Variants in THSD7A observed in about 807,000 individuals in gnomAD.
The protein encoded by THSD7A is thrombospondin type-1 domain-containing protein 7A.
In THSD7A, 96 loss-of-function variants were observed where a neutral mutation model predicts 231.3. That is an observed-to-expected ratio of 0.41 (90% CI 0.35 to 0.49). THSD7A has a LOEUF of 0.49. Among genes scored for constraint, THSD7A ranks in the 20% least tolerant of loss-of-function variants. THSD7A has a pLI of 0.05. For missense variants in THSD7A, 2,290 were observed against 2,070.2 expected (o/e 1.11, Z -2.06); for synonymous variants, 940 against 743.3 (o/e 1.26, Z -4.30).
intron 2 of THSD7A, among the ~76,000 whole-genome samples, chr7:11,624,576 T>C (rs1781420644): frequency 6.6e-6 from 1 of 152,144 alleles, no homozygotes; most frequent in Admixed American, 6.6e-5. Context: ...GGGGAGGAAC[T>C]GGTCAAATTC....
chr7:11,419,385 T>A (rs1181957831), intron 16 of THSD7A, among the ~76,000 whole-genome samples: 1 of 152,142 alleles, frequency 6.6e-6, no homozygotes, highest in African/African-American at 2.4e-5. Context: ...CTTCCCCCTT[T>A]GCTTTTTCTC....
At chr7:11,425,498 C>T (rs1784288195) in intron 15 of THSD7A, among the ~76,000 whole-genome samples, 1 of 152,018 alleles carries the variant, frequency 6.6e-6, no homozygotes, top group African/African-American at 2.4e-5. Flanking sequence ...GGCAAATTGT[C>T]TCTGCTCCAG....
chr7:11,461,253 T>C (rs1476737133), intron 10 of THSD7A, among the ~76,000 whole-genome samples: 2 of 152,198 alleles, frequency 1.3e-5, no homozygotes, highest in Admixed American at 1.3e-4. Context: ...CCAGTAGTTG[T>C]CAATGTGCAT....
At chr7:11,743,755 T>C (rs1042368157) in intron 1 of THSD7A, among the ~76,000 whole-genome samples, 1 of 151,860 alleles carries the variant, frequency 6.6e-6, no homozygotes, top group African/African-American at 2.4e-5. Flanking sequence ...TAAATCAATG[T>C]CTGAAAGGCA....
intron 9 of THSD7A, among the ~76,000 whole-genome samples, chr7:11,467,443 T>C (rs1330670199): frequency 1.3e-5 from 2 of 152,146 alleles, no homozygotes; most frequent in Non-Finnish European, 2.9e-5. Context: ...TTTCTCTATA[T>C]GACCATTAGT....
intron 1 of THSD7A, among the ~76,000 whole-genome samples, chr7:11,776,933 G>A (rs972970490): frequency 1.3e-5 from 2 of 152,106 alleles, no homozygotes; most frequent in Non-Finnish European, 2.9e-5. Flanking sequence ...TTGAAACATT[G>A]CTGTAGATTT....
Position 11,832,074 on chromosome 7 carries a change from GAGA to G in THSD7A, c.-131_-129del, listed in dbSNP as rs2128189927. ...TTTCCTGCTATTGTTCGCTTCAGATGAGAAGGAGGGAGAGCGCGTCTAACACCA... is the reference window on the plus strand; with the variant it reads ...TTTCCTGCTATTGTTCGCTTCAGATGAGGAGGGAGAGCGCGTCTAACACCA... On this transcript the variant is annotated 5_prime_UTR_variant, in exon 1 of 28. Coordinates refer to ENST00000423059, the MANE Select transcript of THSD7A (RefSeq NM_015204.3). The G allele has an allele frequency of 5.1e-6, 3 of 585,730 alleles. No homozygotes were observed. The highest frequency in any genetic ancestry group is 7.3e-6 in the Non-Finnish European group (3 of 410,802). The allele number at this position is 585,730 out of a possible 1,614,324, so 36.3% of individuals were successfully genotyped here. A position where few individuals can be genotyped will look rare whatever the true frequency, so the allele number is the denominator to read the frequency against.
At chr7:11,559,164 A>G (rs1202759963) in intron 4 of THSD7A, among the ~76,000 whole-genome samples, 2 of 151,682 alleles carry the variant, frequency 1.3e-5, no homozygotes, top group African/African-American at 4.9e-5. Context: ...AATTCTGCCA[A>G]CACTCTGAAT....
At chr7:11,687,423 G>GACAC in intron 1 of THSD7A, among the ~76,000 whole-genome samples, 1 of 151,546 alleles carries the variant, frequency 6.6e-6, no homozygotes, top group African/African-American at 2.4e-5. Flanking sequence ...AAATGAAACT[G>GACAC]ACACACACAC....
chr7:11,428,060 T>A (rs767432057), intron 14 of THSD7A, among the ~76,000 whole-genome samples: 3 of 152,196 alleles, frequency 2.0e-5, no homozygotes, highest in Non-Finnish European at 4.4e-5. Flanking sequence ...CAAAGTTATG[T>A]TAATCTGGGA....
At chr7:11,475,935 C>CTTTTTT (rs553018024) in intron 7 of THSD7A, among the ~76,000 whole-genome samples, 7 of 110,770 alleles carry the variant, frequency 6.3e-5, no homozygotes, top group African/African-American at 6.7e-5. Flanking sequence ...AAATACTTTC[C>CTTTTTT]TTTTTTTTTT....
intron 1 of THSD7A, chr7:11,820,319 A>C (rs542881144): frequency 1.9e-5 from 14 of 736,252 alleles, no homozygotes; most frequent in Non-Finnish European, 2.6e-5. Flanking sequence ...AGTGGACCCT[A>C]CTCGGTTGTG....
chr7:11,461,572 T>A (rs150813598), intron 10 of THSD7A, among the ~76,000 whole-genome samples: 1 of 152,134 alleles, frequency 6.6e-6, no homozygotes, highest in Non-Finnish European at 1.5e-5. Context: ...ACCAGCATCA[T>A]TGAGATACAG....
chr7:11,455,889 C>A (rs998404367), intron 11 of THSD7A, among the ~76,000 whole-genome samples: 1 of 151,978 alleles, frequency 6.6e-6, no homozygotes, highest in East Asian at 1.9e-4. Flanking sequence ...TATGTCATCA[C>A]AGATAGTTCC....
chr7:11,615,316 T>C (rs563686691), intron 2 of THSD7A, among the ~76,000 whole-genome samples: 1 of 152,280 alleles, frequency 6.6e-6, no homozygotes, highest in South Asian at 2.1e-4. Context: ...TCTAAAGATA[T>C]TGAACAGTCA....
chr7:11,515,744 T>A (rs1788005252), intron 6 of THSD7A, among the ~76,000 whole-genome samples: 1 of 152,136 alleles, frequency 6.6e-6, no homozygotes, highest in Non-Finnish European at 1.5e-5. Context: ...GACTTCACAT[T>A]TCATATTTTA....
chr7:11,830,067 A>G (rs1482233594), intron 1 of THSD7A, among the ~76,000 whole-genome samples: 1 of 152,210 alleles, frequency 6.6e-6, no homozygotes, highest in Non-Finnish European at 1.5e-5. Context: ...TGAACTGCCA[A>G]AATTCCTACA....
chr7:11,495,114 A>C (rs2128308423), intron 6 of THSD7A, among the ~76,000 whole-genome samples: 1 of 152,142 alleles, frequency 6.6e-6, no homozygotes, highest in East Asian at 1.9e-4. Context: ...TCTTTTTTCA[A>C]ACTTGTAGCT....
intron 1 of THSD7A, among the ~76,000 whole-genome samples, chr7:11,718,945 A>T (rs912947482): frequency 2.7e-5 from 4 of 145,518 alleles, no homozygotes; most frequent in Admixed American, 6.7e-5. Context: ...AAAAGGAAAT[A>T]AAAAAAAGCA....
Sources: gnomAD v4.1 joint callset for allele counts (sites outside exome capture counted in the v4.1 genomes callset) on GRCh38, gnomAD v4.1.1 for gene constraint, MANE v1.5 for transcripts, NCBI Gene and HGNC (gene_info 2026-07-23, HGNC 2026-07-21) for gene names.